Variants in OXR1 observed in about 807,000 individuals in gnomAD.
The protein encoded by OXR1 is oxidation resistance 1.
A neutral mutation model predicts 104.6 loss-of-function variants in OXR1; 41 were observed. The observed-to-expected ratio is 0.39, with a 90% confidence interval of 0.31 to 0.51. The LOEUF is 0.51. Ranked by LOEUF, OXR1 falls within the 20% of genes least tolerant of loss-of-function variation. OXR1 has a pLI of 0.77. For synonymous variants in OXR1, 348 were observed against 348.4 expected, an observed-to-expected ratio of 1.00 and a Z score of 0.01; for missense variants, 955 against 1,031.9, an observed-to-expected ratio of 0.93 and a Z score of 1.02.
At chr8:106,631,908 T>C (rs1199796978) in intron 3 of OXR1, among the ~76,000 whole-genome samples, 2 of 152,180 alleles carry the variant, frequency 1.3e-5, no homozygotes, top group African/African-American at 4.8e-5. Flanking sequence ...CAGCACCTTA[T>C]ATACTACTAT....
intron 7 of OXR1, among the ~76,000 whole-genome samples, chr8:106,694,188 A>G (rs931305711): frequency 1.3e-5 from 2 of 151,644 alleles, no homozygotes; most frequent in African/African-American, 4.8e-5. Flanking sequence ...TAATAAATGT[A>G]ATGTGTGCAC....
intron 2 of OXR1, among the ~76,000 whole-genome samples, chr8:106,479,530 G>C (rs531634804): frequency 6.6e-6 from 1 of 151,960 alleles, no homozygotes; most frequent in Admixed American, 6.6e-5. Context: ...TTGCATCATT[G>C]CTCCCCACCC....
intron 1 of OXR1, among the ~76,000 whole-genome samples, chr8:106,297,552 A>G (rs1813049604): frequency 7.0e-6 from 1 of 142,724 alleles, no homozygotes. Context: ...GGCAGTTGTA[A>G]CACAATGGTA....
chr8:106,515,639 T>C (rs1420534278), intron 2 of OXR1, among the ~76,000 whole-genome samples: 1 of 152,176 alleles, frequency 6.6e-6, no homozygotes, highest in African/African-American at 2.4e-5. Flanking sequence ...TATTCCGTTG[T>C]GTATACATGC....
At chr8:106,641,152 GTCT>G (rs1186415257) in intron 3 of OXR1, among the ~76,000 whole-genome samples, 1 of 152,170 alleles carries the variant, frequency 6.6e-6, no homozygotes, top group Non-Finnish European at 1.5e-5. Flanking sequence ...GCACACAGCT[GTCT>G]TCTTCTTTTT....
In OXR1 at chr8:106,551,860, A is replaced by ATGTGTGTGTG. The variant is rs71307068; in HGVS notation, c.220+32753_220+32762dup. On this transcript the variant is annotated intron_variant, in intron 3 of 16. Transcript: ENST00000517566. ...TATGTGTACATATATGTGTATATATATGTGTGTGTGTGTGTGTGTGTGTGT... is the reference window on the plus strand; with the variant it reads ...TATGTGTACATATATGTGTATATATATGTGTGTGTGTGTGTGTGTGTGTGTGTGTGTGTGT... Among the ~76,000 whole-genome samples the ATGTGTGTGTG allele has an allele frequency of 1.6e-3, 199 of 126,570 alleles. 1 individual carries two copies. The Middle Eastern group carries it at 0.016, about 10-fold the overall frequency. 83.0% of individuals were successfully genotyped at this position (126,570 alleles called of 152,430 possible). A position where few individuals can be genotyped will look rare whatever the true frequency, so the allele number is the denominator to read the frequency against.
intron 1 of OXR1, among the ~76,000 whole-genome samples, chr8:106,287,656 CA>C (rs11312139): frequency 0.23 from 33,182 of 146,372 alleles, 5,330 homozygotes; most frequent in African/African-American, 0.46. Flanking sequence ...CATCCCATTT[CA>C]AAAAAAAAAA....
At chr8:106,714,362 C>T (rs938220543) in intron 11 of OXR1, among the ~76,000 whole-genome samples, 1 of 151,996 alleles carries the variant, frequency 6.6e-6, no homozygotes, top group Admixed American at 6.6e-5. Context: ...TTCATCTCCT[C>T]CATGGAGGAG....
chr8:106,405,174 A>G (rs1478209352), intron 2 of OXR1, among the ~76,000 whole-genome samples: 4,801 of 39,452 alleles, frequency 0.12, 409 homozygotes, highest in African/African-American at 0.34. Context: ...ATATATATAT[A>G]TATATATATA....
chr8:106,369,409 C>T (rs1378454021), intron 2 of OXR1, among the ~76,000 whole-genome samples: 2 of 152,122 alleles, frequency 1.3e-5, no homozygotes, highest in African/African-American at 2.4e-5. Context: ...TAATTAGAAC[C>T]CATTTGTCAA....
chr8:106,656,757 T>G (rs1467805186), intron 3 of OXR1, among the ~76,000 whole-genome samples: 1 of 151,346 alleles, frequency 6.6e-6, no homozygotes, highest in Non-Finnish European at 1.5e-5. Flanking sequence ...TGGTGAAATT[T>G]ATCCCACCTA....
At chr8:106,608,066 G>A (rs1820537421) in intron 3 of OXR1, among the ~76,000 whole-genome samples, 1 of 152,172 alleles carries the variant, frequency 6.6e-6, no homozygotes, top group Non-Finnish European at 1.5e-5. Context: ...AGTATAGCTT[G>A]AGGCTAGGAA....
chr8:106,432,460 G>A (rs1001419461), intron 2 of OXR1, among the ~76,000 whole-genome samples: 1 of 152,138 alleles, frequency 6.6e-6, no homozygotes, highest in African/African-American at 2.4e-5. Flanking sequence ...AGCACACCGA[G>A]CACATTTCCT....
At chr8:106,735,051 A>G (rs1054518969) in intron 11 of OXR1, among the ~76,000 whole-genome samples, 2 of 152,194 alleles carry the variant, frequency 1.3e-5, no homozygotes, top group Non-Finnish European at 1.5e-5. Context: ...TAAATTGTAT[A>G]CATGGAGTAT....
intron 3 of OXR1, among the ~76,000 whole-genome samples, chr8:106,545,913 T>C (rs956954910): frequency 6.6e-6 from 1 of 151,836 alleles, no homozygotes; most frequent in Non-Finnish European, 1.5e-5. Context: ...GGAGAATTGC[T>C]TGAACCCGGG....
At chr8:106,739,387 T>C (rs1166843112) in intron 12 of OXR1, 71 bp from the exon 13 acceptor site, 3 of 1,378,574 alleles carry the variant, frequency 2.2e-6, no homozygotes, top group Non-Finnish European at 3.0e-6. Flanking sequence ...TTTATTTATC[T>C]GAAAAGTCTG....
chr8:106,362,491 A>G (rs1428527268), intron 2 of OXR1, among the ~76,000 whole-genome samples: 1 of 152,232 alleles, frequency 6.6e-6, no homozygotes, highest in Non-Finnish European at 1.5e-5. Flanking sequence ...TCTAATAGTT[A>G]TGTGTATGAT....
intron 3 of OXR1, among the ~76,000 whole-genome samples, chr8:106,528,557 G>A (rs1813859530): frequency 6.6e-6 from 1 of 152,194 alleles, no homozygotes; most frequent in African/African-American, 2.4e-5. Context: ...GTAATAACTA[G>A]TTTGGAAGCT....
At chr8:106,710,933 G>T (rs943888627) in intron 10 of OXR1, 143 bp downstream of exon 10, 24 of 489,708 alleles carry the variant, frequency 4.9e-5, no homozygotes, top group Non-Finnish European at 7.9e-5. Flanking sequence ...AAACCATTTT[G>T]CCCCTACTTT....
Sources: gnomAD v4.1 joint callset for allele counts (sites outside exome capture counted in the v4.1 genomes callset) on GRCh38, gnomAD v4.1.1 for gene constraint, MANE v1.5 for transcripts, NCBI Gene and HGNC (gene_info 2026-07-23, HGNC 2026-07-21) for gene names.